The following RNF213 variants were observed in gnomAD, a reference collection of about 807,000 sequenced individuals.
The protein encoded by RNF213 is E3 ubiquitin-protein ligase RNF213.
Under a neutral mutation model 514.4 loss-of-function variants are expected in RNF213, and 341 were observed. The observed-to-expected ratio is 0.66, with a 90% CI of 0.61 to 0.73. RNF213 has a LOEUF of 0.73. Ranked by LOEUF, RNF213 falls within the 30% of genes least tolerant of loss-of-function variation. The pLI, the probability that RNF213 is intolerant of heterozygous loss-of-function variation, is 0.00. For synonymous variants in RNF213, 2,655 were observed against 2,658.2 expected (o/e 1.00, Z 0.04); for missense variants, 5,767 against 6,615.6 (o/e 0.87, Z 4.45).
chr17:80,355,254 GAT>G (rs1374858223), intron 36 of RNF213: 5 of 455,714 alleles, frequency 1.1e-5, no homozygotes, highest in African/African-American at 1.0e-4. Flanking sequence ...CTGTGCCAGT[GAT>G]AGGTTCGCTT....
At chr17:80,389,138 C>T (rs776209147) in intron 64 of RNF213, 35 bp from the exon 65 acceptor site, 3 of 1,603,446 alleles carry the variant, frequency 1.9e-6, no homozygotes, top group African/African-American at 2.7e-5. Flanking sequence ...GAAACCCAGC[C>T]CACAGACATC....
At chr17:80,373,527 C>T (rs1475022458) in intron 49 of RNF213, among the ~76,000 whole-genome samples, 2 of 152,032 alleles carry the variant, frequency 1.3e-5, no homozygotes, top group Non-Finnish European at 2.9e-5. Flanking sequence ...CACCTCAGAG[C>T]TTCTTTAATT....
chr17:80,388,007 T>C (rs1237667678), intron 63 of RNF213, among the ~76,000 whole-genome samples: 2 of 148,378 alleles, frequency 1.3e-5, no homozygotes, highest in East Asian at 4.0e-4. Context: ...TCACCCAGGC[T>C]GGATTGCAGT....
In RNF213 at chr17:80,386,347, T is replaced by C. The variant is rs1335800393; in HGVS notation, c.14637T>C (p.Cys4879=). ...LLPRRRGLGL[C]ATALVSYLIR... ...CACGCCGACGGGGCCTGGGCCTCTG[T>C]GCTACCGCTCTCGTCAGCTACTTGA... Residue 4879 remains cysteine (C), a synonymous_variant, in exon 62 of 68, where the codon TGT becomes TGC. Coordinates refer to ENST00000582970, the MANE Select transcript of RNF213 (RefSeq NM_001256071.3). 6.8e-6 allele frequency: 11 copies of C among 1,614,162 alleles called. No homozygotes were observed. Among genetic ancestry groups the C allele is most frequent in the East Asian group, 2.2e-5 (1 of 44,884 alleles).
intron 43 of RNF213, 24 bp downstream of exon 43, chr17:80,367,872 T>C (rs773896295): frequency 6.2e-7 from 1 of 1,613,858 alleles, no homozygotes; most frequent in Non-Finnish European, 8.5e-7. Flanking sequence ...TTTGGATCTG[T>C]GAAGGCGAGA....
rs558636577 is a variant in RNF213 at position 80,318,178 on chromosome 17, G to C, written c.2901+901G>C. Reference sequence around the variant, plus strand: ...AAGTCTGGGGTCTTTATAGGCACAAGATAGGGGGCAGGGTGGGCCCTAGGT... The same window carrying C: ...AAGTCTGGGGTCTTTATAGGCACAACATAGGGGGCAGGGTGGGCCCTAGGT... On this transcript the variant is annotated intron_variant, in intron 16 of 67. Coordinates refer to ENST00000582970, the MANE Select transcript of RNF213 (RefSeq NM_001256071.3). Among the ~76,000 whole-genome samples the C allele has an allele frequency of 2.6e-4, 39 of 152,302 alleles. No individual in the cohort carries two copies. In the Middle Eastern group the frequency reaches 0.01, roughly 40 times the overall value.
At position 80,286,721 on chromosome 17, in the gene RNF213, G is replaced by A. The variant is rs570595120; in HGVS notation, c.262-1094G>A. Among the ~76,000 whole-genome samples, 16 of 152,222 alleles carry A rather than the reference G, an allele frequency of 1.1e-4. No homozygotes were observed. The South Asian group carries it at 3.3e-3, about 32-fold the overall frequency. On this transcript the variant is annotated intron_variant, in intron 3 of 67. Transcript: ENST00000582970. ...GAGTGGGCACAGGTTCACACCTGCT[G>A]CCTGGCAGTTTGGGGCCCTCATCAC...
chr17:80,327,238 G>T (rs902489868), intron 18 of RNF213, among the ~76,000 whole-genome samples: 1 of 152,192 alleles, frequency 6.6e-6, no homozygotes, highest in South Asian at 2.1e-4. Context: ...TGGTTCATGC[G>T]TATAATCCTA....
intron 60 of RNF213, 90 bp downstream of exon 60, chr17:80,385,261 G>A: frequency 6.6e-6 from 10 of 1,515,156 alleles, no homozygotes; most frequent in Non-Finnish European, 9.1e-6. Flanking sequence ...GGGCGGAGGG[G>A]AGGAGGCGCT....
At position 80,363,330 on chromosome 17, in the gene RNF213, G is replaced by A. The variant is rs769438213; in HGVS notation, c.11568+16G>A. The A allele has an allele frequency of 2.0e-5, 33 of 1,610,590 alleles. No individual in the cohort carries two copies. The East Asian group carries it at 2.2e-4, about 11-fold the overall frequency. ...ATGTGAGATGGTATGGCCCTCCTCC[G>A]CCTGCCCTGAGCAAGCCTTGTGGTG... On this transcript the variant is annotated intron_variant, in intron 40 of 67. Coordinates refer to ENST00000582970, the MANE Select transcript of RNF213 (RefSeq NM_001256071.3).
chr17:80,309,007 T>C lies in RNF213; in HGVS notation c.2502-11T>C, dbSNP rs770040099. 1 of 1,613,768 alleles carries C rather than the reference T, an allele frequency of 6.2e-7. No homozygotes were observed. Among genetic ancestry groups the C allele is most frequent in the Non-Finnish European group, 8.5e-7 (1 of 1,179,934 alleles). On this transcript the variant is annotated splice_polypyrimidine_tract_variant and intron_variant, in intron 13 of 67. Transcript: ENST00000582970. Reference sequence around the variant, plus strand: ...CCTTGCCGGGATTTCTCTTAACTCTTTGCGGGGCAGGATTCCCGAGGAGGC... The same window carrying C: ...CCTTGCCGGGATTTCTCTTAACTCTCTGCGGGGCAGGATTCCCGAGGAGGC...
intron 2 of RNF213, among the ~76,000 whole-genome samples, chr17:80,270,349 A>C (rs187005449): frequency 2.0e-5 from 3 of 152,346 alleles, no homozygotes; most frequent in African/African-American, 7.2e-5. Flanking sequence ...CCTCTGAGCC[A>C]GGCTGGCCGT....
chr17:80,319,440 C>T (rs771047598), intron 17 of RNF213, 128 bp downstream of exon 17: 4 of 1,614,094 alleles, frequency 2.5e-6, no homozygotes, highest in Non-Finnish European at 3.4e-6. Context: ...GGGAAGTGGG[C>T]ACCCTCCTCC....
intron 40 of RNF213, 71 bp from the exon 41 acceptor site, chr17:80,363,538 A>G: frequency 6.4e-7 from 1 of 1,552,020 alleles, no homozygotes; most frequent in Non-Finnish European, 8.9e-7. Context: ...ACATGCAGCT[A>G]ACAGCCGGGG....
chr17:80,319,601 C>G (rs1568066453), intron 17 of RNF213: 1 of 1,553,560 alleles, frequency 6.4e-7, no homozygotes, highest in Admixed American at 1.9e-5. Flanking sequence ...GCAGGCCGTT[C>G]CTCAGATGGC....
intron 41 of RNF213, among the ~76,000 whole-genome samples, chr17:80,364,000 T>C (rs2079155855): frequency 6.6e-6 from 1 of 152,152 alleles, no homozygotes; most frequent in South Asian, 2.1e-4. Flanking sequence ...GGCTGTGCAT[T>C]CAGGGAGCGC....
At chr17:80,331,763 T>C (rs972282631) in intron 20 of RNF213, among the ~76,000 whole-genome samples, 3 of 152,160 alleles carry the variant, frequency 2.0e-5, no homozygotes, top group Non-Finnish European at 1.5e-5. Context: ...AGTAAATAGG[T>C]GCGTGTTTTC....
chr17:80,274,276 T>C (rs997792494), intron 3 of RNF213, among the ~76,000 whole-genome samples: 1 of 151,920 alleles, frequency 6.6e-6, no homozygotes, highest in Non-Finnish European at 1.5e-5. Flanking sequence ...AACAGCCTCT[T>C]AGGCGTTAGA....
intron 3 of RNF213, among the ~76,000 whole-genome samples, chr17:80,274,821 T>G (rs1413602322): frequency 5.9e-5 from 1 of 16,846 alleles, no homozygotes; most frequent in Non-Finnish European, 9.9e-5. Flanking sequence ...GAGGGGGGTG[T>G]CTGTGGGGGG....
Sources: allele counts gnomAD v4.1 joint callset (sites outside exome capture counted in the v4.1 genomes callset), GRCh38; gene constraint gnomAD v4.1.1; transcripts MANE v1.5; gene names NCBI Gene and HGNC (gene_info 2026-07-23, HGNC 2026-07-21).